Variants in RERE observed in about 807,000 individuals in gnomAD.
The protein encoded by RERE is arginine-glutamic acid dipeptide repeats protein.
A neutral mutation model predicts 146.1 loss-of-function variants in RERE; 40 were observed. The observed-to-expected ratio is 0.27, with a 90% CI of 0.21 to 0.36. The LOEUF (loss-of-function observed/expected upper bound fraction) is 0.36, where lower values mean the gene tolerates loss of function less well. Ranked by LOEUF, RERE falls within the 10% of genes least tolerant of loss-of-function variation. The pLI is 1.00. For missense variants in RERE, 1,933 were observed against 2,138.7 expected (o/e 0.90, Z 1.90); for synonymous variants, 1,003 against 866.0 (o/e 1.16, Z -2.78).
Position 8,553,667 on chromosome 1 carries a change from G to GA in RERE, c.725+2807dup, listed in dbSNP as rs1237013772. ...CCACTTTAAAGAAAACACCACAGGA[G>GA]AAAAAAAAACTAATTAATGAGGATT... is the stretch of plus-strand genomic sequence containing the variant. On this transcript the variant is annotated intron_variant, in intron 6 of 22. Coordinates refer to ENST00000400908, the MANE Select transcript of RERE (RefSeq NM_001042681.2). 8.6e-5 allele frequency among the ~76,000 whole-genome samples: 13 copies of GA among 151,158 alleles called. No individual in the cohort carries two copies. In the South Asian group the frequency reaches 1.0e-3, roughly 12 times the overall value.
At chr1:8,648,627 T>C (rs1203829256) in intron 2 of RERE, among the ~76,000 whole-genome samples, 2 of 152,240 alleles carry the variant, frequency 1.3e-5, no homozygotes, top group African/African-American at 4.8e-5. Flanking sequence ...GTTTGAATTT[T>C]TTCCAGCTTA....
rs115079720 is a variant in RERE at position 8,699,081 on chromosome 1, T to C, written c.-144-42640A>G. Among the ~76,000 whole-genome samples the C allele has an allele frequency of 2.2e-3, 341 of 152,320 alleles. 1 individual carries two copies. The highest frequency in any genetic ancestry group is 7.3e-3 in the African/African-American group (304 of 41,566). ...TTGTCCTCCTCCACTGGAAAATAAA[T>C]GCTATGAGAACAGAGACTTCATCTT... On this transcript the variant is annotated intron_variant, in intron 1 of 22. Coordinates refer to ENST00000400908, the MANE Select transcript of RERE (RefSeq NM_001042681.2).
At chr1:8,563,531 T>G (rs868278959) in intron 4 of RERE, among the ~76,000 whole-genome samples, 3 of 152,190 alleles carry the variant, frequency 2.0e-5, no homozygotes, top group African/African-American at 7.2e-5. Context: ...CTCCTGTCCC[T>G]CTGTGTTATC....
At chr1:8,380,030 C>T (rs1258636776) in intron 12 of RERE, among the ~76,000 whole-genome samples, 2 of 152,176 alleles carry the variant, frequency 1.3e-5, no homozygotes, top group Non-Finnish European at 2.9e-5. Flanking sequence ...CTCAGTCACC[C>T]CACTCCAACG....
chr1:8,698,966 T>C (rs1186413452), intron 1 of RERE, among the ~76,000 whole-genome samples: 1 of 152,250 alleles, frequency 6.6e-6, no homozygotes, highest in African/African-American at 2.4e-5. Context: ...TCACTCTGGC[T>C]GGAGTGCAGT....
intron 1 of RERE, among the ~76,000 whole-genome samples, chr1:8,783,987 C>A (rs1351776565): frequency 6.6e-6 from 1 of 152,168 alleles, no homozygotes; most frequent in Non-Finnish European, 1.5e-5. Flanking sequence ...CTAACCCTGC[C>A]AACCGACACC....
At chr1:8,786,129 T>G in intron 1 of RERE, 1 of 467,874 alleles carries the variant, frequency 2.1e-6, no homozygotes, top group Non-Finnish European at 3.9e-6. Context: ...CTTTCTTTTT[T>G]TTCAACTTGA....
At chr1:8,692,096 T>G (rs755369643) in intron 1 of RERE, among the ~76,000 whole-genome samples, 2 of 152,208 alleles carry the variant, frequency 1.3e-5, no homozygotes, top group East Asian at 3.8e-4. Flanking sequence ...CTTAGCAGAA[T>G]GGGTTTATTT....
At chr1:8,747,202 C>T (rs1640440393) in intron 1 of RERE, among the ~76,000 whole-genome samples, 1 of 152,042 alleles carries the variant, frequency 6.6e-6, no homozygotes, top group Non-Finnish European at 1.5e-5. Flanking sequence ...AGGGTTTCAC[C>T]ATGTTAACCT....
chr1:8,399,803 T>C (rs1282315879), intron 12 of RERE, among the ~76,000 whole-genome samples: 1 of 151,880 alleles, frequency 6.6e-6, no homozygotes, highest in African/African-American at 2.4e-5. Context: ...TTATGTCTTT[T>C]TTTAAAAAAA....
At chr1:8,505,401 G>C (rs1277119605) in intron 8 of RERE, among the ~76,000 whole-genome samples, 2 of 152,208 alleles carry the variant, frequency 1.3e-5, no homozygotes, top group African/African-American at 4.8e-5. Flanking sequence ...ATAACGGCAG[G>C]AAGAGGTGTG....
At chr1:8,477,586 A>G (rs1248824204) in intron 10 of RERE, among the ~76,000 whole-genome samples, 1 of 152,258 alleles carries the variant, frequency 6.6e-6, no homozygotes, top group Non-Finnish European at 1.5e-5. Flanking sequence ...TCACGTAGGC[A>G]CTAGTGAACC....
chr1:8,388,845 T>C (rs1642780452), intron 12 of RERE, among the ~76,000 whole-genome samples: 2 of 152,230 alleles, frequency 1.3e-5, no homozygotes, highest in African/African-American at 4.8e-5. Context: ...ATTAGACAGC[T>C]AGGTAAGGGG....
At chr1:8,443,635 C>A (rs1283179403) in intron 11 of RERE, among the ~76,000 whole-genome samples, 1 of 152,168 alleles carries the variant, frequency 6.6e-6, no homozygotes, top group East Asian at 1.9e-4. Context: ...AGCAGCCCCT[C>A]CCATCATAGG....
chr1:8,433,384 A>G (rs183578064), intron 11 of RERE, among the ~76,000 whole-genome samples: 116 of 152,244 alleles, frequency 7.6e-4, no homozygotes, highest in Non-Finnish European at 6.6e-4. Context: ...TTAATATCTA[A>G]TAACACCACT....
At chr1:8,600,003 T>G (rs1334902803) in intron 4 of RERE, among the ~76,000 whole-genome samples, 1 of 152,222 alleles carries the variant, frequency 6.6e-6, no homozygotes, top group Non-Finnish European at 1.5e-5. Flanking sequence ...AATGCCCACG[T>G]GCCAAGGACG....
intron 6 of RERE, among the ~76,000 whole-genome samples, chr1:8,546,772 T>A (rs1251008960): frequency 1.3e-5 from 2 of 149,674 alleles, no homozygotes; most frequent in Admixed American, 6.7e-5. Flanking sequence ...CGTTTGAACC[T>A]GGGAAGCAGA....
At chr1:8,751,883 G>A (rs181737631) in intron 1 of RERE, among the ~76,000 whole-genome samples, 1 of 149,098 alleles carries the variant, frequency 6.7e-6, no homozygotes, top group Admixed American at 6.7e-5. Flanking sequence ...ATTCTAAGAA[G>A]TCATAATAGA....
chr1:8,752,760 T>C (rs1640564565), intron 1 of RERE, among the ~76,000 whole-genome samples: 1 of 152,148 alleles, frequency 6.6e-6, no homozygotes, highest in Non-Finnish European at 1.5e-5. Context: ...CAGAGACAGT[T>C]TGTGTTGGAA....
Sources: gnomAD v4.1 joint callset for allele counts (sites outside exome capture counted in the v4.1 genomes callset) on GRCh38, gnomAD v4.1.1 for gene constraint, MANE v1.5 for transcripts, NCBI Gene and HGNC (gene_info 2026-07-23, HGNC 2026-07-21) for gene names.